PRKAR2A: variants seen among roughly 807,000 people sequenced by gnomAD.
PRKAR2A encodes the protein protein kinase cAMP-dependent type II regulatory subunit alpha.
PRKAR2A carries 29 observed loss-of-function variants against 51.9 expected under a neutral mutation model. The observed-to-expected ratio is 0.56, with a 90% CI of 0.42 to 0.76. The LOEUF (loss-of-function observed/expected upper bound fraction) is 0.76, where lower values mean the gene tolerates loss of function less well. PRKAR2A is among the 30% of genes least tolerant of loss of function. PRKAR2A has a pLI of 0.00. For missense variants in PRKAR2A, 445 were observed against 512.1 expected (o/e 0.87, Z 1.26); for synonymous variants, 178 against 186.2 (o/e 0.96, Z 0.36).
Position 48,829,580 on chromosome 3 carries a change from A to G in PRKAR2A, c.262+17755T>C, listed in dbSNP as rs1408289780. On this transcript the variant is annotated intron_variant, in intron 1 of 10. Transcript: ENST00000265563. ...TGTATATATACACACATAAATATAT[A>G]TGTGTGTATATATACACACACATAA... Among the ~76,000 whole-genome samples the G allele has an allele frequency of 9.5e-4, 33 of 34,810 alleles. 2 individuals carry two copies. Among genetic ancestry groups the G allele is most frequent in the East Asian group, 0.028 (1 of 36 alleles). The allele number at this position is 34,810 out of a possible 152,430, so 22.8% of individuals were successfully genotyped here.
intron 9 of PRKAR2A, among the ~76,000 whole-genome samples, chr3:48,756,079 C>T (rs899050742): frequency 1.3e-5 from 2 of 152,138 alleles, no homozygotes; most frequent in Admixed American, 6.6e-5. Context: ...TGTGCCCGGC[C>T]CCAGCCCCCA....
intron 5 of PRKAR2A, among the ~76,000 whole-genome samples, chr3:48,776,526 G>A (rs1269321983): frequency 6.6e-6 from 1 of 152,034 alleles, no homozygotes; most frequent in Non-Finnish European, 1.5e-5. Flanking sequence ...GCCTGTGTAT[G>A]TGTGTATATA....
intron 5 of PRKAR2A, among the ~76,000 whole-genome samples, chr3:48,777,818 A>AG (rs1361660592): frequency 2.0e-5 from 3 of 152,204 alleles, no homozygotes; most frequent in Non-Finnish European, 2.9e-5. Context: ...CCCTGCTCTC[A>AG]GGGGAGCTTA....
chr3:48,811,530 A>T (rs1223964059), intron 1 of PRKAR2A, among the ~76,000 whole-genome samples: 1 of 152,150 alleles, frequency 6.6e-6, no homozygotes, highest in East Asian at 1.9e-4. Flanking sequence ...AACCCCAAAA[A>T]CATTTAAATA....
chr3:48,828,436 G>A (rs1395308074), intron 1 of PRKAR2A, among the ~76,000 whole-genome samples: 2 of 151,984 alleles, frequency 1.3e-5, no homozygotes. Context: ...ATATTTTGCT[G>A]GATGGGAATG....
intron 1 of PRKAR2A, among the ~76,000 whole-genome samples, chr3:48,819,562 T>C (rs1462622763): frequency 6.6e-6 from 1 of 152,232 alleles, no homozygotes; most frequent in Non-Finnish European, 1.5e-5. Flanking sequence ...AATAAAATAC[T>C]TGTTTTACAT....
chr3:48,823,771 G>C (rs1575933036), intron 1 of PRKAR2A, among the ~76,000 whole-genome samples: 3 of 114,336 alleles, frequency 2.6e-5, no homozygotes, highest in South Asian at 2.7e-4. Flanking sequence ...GGGCAACAGA[G>C]AAATACCCCG....
At chr3:48,808,937 T>A (rs988763094) in intron 1 of PRKAR2A, among the ~76,000 whole-genome samples, 18 of 107,418 alleles carry the variant, frequency 1.7e-4, no homozygotes, top group African/African-American at 6.0e-4. Flanking sequence ...CCACCGTGCC[T>A]GGCCTGTTAA....
intron 6 of PRKAR2A, among the ~76,000 whole-genome samples, chr3:48,768,104 G>A (rs1479481431): frequency 6.6e-6 from 1 of 151,858 alleles, no homozygotes; most frequent in Non-Finnish European, 1.5e-5. Flanking sequence ...AGAACAGCCT[G>A]GGCAACATGG....
intron 1 of PRKAR2A, among the ~76,000 whole-genome samples, chr3:48,845,525 C>A (rs963169567): frequency 4.6e-5 from 7 of 152,174 alleles, no homozygotes; most frequent in African/African-American, 1.2e-4. Flanking sequence ...CAAATGGTTT[C>A]ATTGTTTTGT....
intron 3 of PRKAR2A, among the ~76,000 whole-genome samples, chr3:48,792,455 CTTT>C (rs983032500): frequency 2.4e-4 from 16 of 66,808 alleles, no homozygotes; most frequent in Non-Finnish European, 4.5e-4. Flanking sequence ...AAGGTTTAAT[CTTT>C]TTTTTTTTTT....
chr3:48,844,843 G>C (rs1325875925), intron 1 of PRKAR2A, among the ~76,000 whole-genome samples: 5 of 122,610 alleles, frequency 4.1e-5, no homozygotes, highest in Admixed American at 3.6e-4. Flanking sequence ...GTTGTGGGGT[G>C]GGGGGAGGGA....
At chr3:48,803,577 ACCACAC>A (rs943048473) in intron 2 of PRKAR2A, among the ~76,000 whole-genome samples, 1 of 152,128 alleles carries the variant, frequency 6.6e-6, no homozygotes, top group African/African-American at 2.4e-5. Flanking sequence ...GGCACCTGCC[ACCACAC>A]CCAGCCAATT....
chr3:48,832,794 G>A (rs1451821241), intron 1 of PRKAR2A, among the ~76,000 whole-genome samples: 1 of 152,032 alleles, frequency 6.6e-6, no homozygotes, highest in Non-Finnish European at 1.5e-5. Flanking sequence ...CCTACAAGTT[G>A]CTTTTTACTT....
chr3:48,756,296 G>A, intron 9 of PRKAR2A, 83 bp downstream of exon 9: 2 of 1,190,914 alleles, frequency 1.7e-6, no homozygotes, highest in South Asian at 2.5e-5. Flanking sequence ...TGATGGTTTG[G>A]TGTATTCAAC....
rs1323292851 is a variant in PRKAR2A at position 48,807,853 on chromosome 3, T to C, written c.263-169A>G. ...CACAAATAGTTGTTCAATGTGATAA[T>C]ATTAAGACAATATAGGAAATACAGT... On this transcript the variant is annotated intron_variant, in intron 1 of 10. Transcript: ENST00000265563. 2.0e-5 allele frequency among the ~76,000 whole-genome samples: 3 copies of C among 152,280 alleles called. No homozygotes were observed. In the East Asian group the frequency reaches 5.8e-4, roughly 29 times the overall value.
intron 1 of PRKAR2A, among the ~76,000 whole-genome samples, chr3:48,829,873 T>TA (rs1559646973): frequency 0.016 from 977 of 62,786 alleles, 6 homozygotes; most frequent in Non-Finnish European, 0.023. Flanking sequence ...ATATATATAT[T>TA]TTTTTTTTTT....
At chr3:48,804,656 C>A (rs1432654846) in intron 2 of PRKAR2A, among the ~76,000 whole-genome samples, 2 of 152,008 alleles carry the variant, frequency 1.3e-5, no homozygotes, top group African/African-American at 4.8e-5. Context: ...GCAGTGGTTG[C>A]AGAATGGGAC....
At chr3:48,816,592 C>T (rs1414273078) in intron 1 of PRKAR2A, among the ~76,000 whole-genome samples, 1 of 151,548 alleles carries the variant, frequency 6.6e-6, no homozygotes. Context: ...GAGCCGAGAT[C>T]GCACCACTGC....
Sources: gnomAD v4.1 joint callset for allele counts (sites outside exome capture counted in the v4.1 genomes callset) on GRCh38, gnomAD v4.1.1 for gene constraint, MANE v1.5 for transcripts, NCBI Gene and HGNC (gene_info 2026-07-23, HGNC 2026-07-21) for gene names.